FN3KRP: variants seen among roughly 807,000 people sequenced by gnomAD.
The protein encoded by FN3KRP is ketosamine-3-kinase.
In FN3KRP, 33 loss-of-function variants were observed where a neutral mutation model predicts 29.8. The ratio of observed to expected loss-of-function variants is 1.11; its 90% CI spans 0.84 to 1.48. The LOEUF is 1.48. Among genes scored for constraint, FN3KRP ranks in the 40% most tolerant of loss-of-function variants. The pLI, the probability that FN3KRP is intolerant of heterozygous loss-of-function variation, is 0.00. For synonymous variants in FN3KRP, 157 were observed against 155.2 expected, an observed-to-expected ratio of 1.01 and a Z score of -0.09; for missense variants, 430 against 402.6, an observed-to-expected ratio of 1.07 and a Z score of -0.58.
chr17:82,726,763 G>C lies in FN3KRP; in HGVS notation c.592-70G>C, dbSNP rs1042404073. The C allele has an allele frequency of 1.2e-5, 18 of 1,490,198 alleles. No individual in the cohort carries two copies. In the East Asian group the frequency reaches 3.2e-4, roughly 26 times the overall value. 92.3% of individuals were successfully genotyped at this position (1,490,198 alleles called of 1,614,324 possible). A position where few individuals can be genotyped will look rare whatever the true frequency, so the allele number is the denominator to read the frequency against. On this transcript the variant is annotated intron_variant, in intron 5 of 5. Transcript: ENST00000269373. ...CGCTGCTGCCTGGGCTGGGGGCGGT[G>C]GGGACCTGGAGCGGCGCCCCTCATG...
rs1447002416 is a variant in FN3KRP at position 82,718,954 on chromosome 17, AAAAC to A, written c.196_199del (p.Asn66ArgfsTer2). 1 of 1,614,200 alleles carries A rather than the reference AAAAC, an allele frequency of 6.2e-7. No individual in the cohort carries two copies. Among genetic ancestry groups the A allele is most frequent in the East Asian group, 2.2e-5 (1 of 44,894 alleles). ...GATGGCAAGTTTAACTGCCATCCTG[AAAAC>A]AAACACGGTGAAAGTGCCCAAGCCC... On this transcript the variant is annotated frameshift_variant, in exon 2 of 6. Transcript: ENST00000269373. LOFTEE classifies it high-confidence loss of function.
chr17:82,720,246 T>G, intron 2 of FN3KRP, 26 bp from the exon 3 acceptor site: 1 of 1,593,298 alleles, frequency 6.3e-7, no homozygotes. Flanking sequence ...TGTCATCTGT[T>G]TAGTTGCTGT....
At chr17:82,725,656 G>A (rs1046695113) in intron 4 of FN3KRP, among the ~76,000 whole-genome samples, 2 of 151,954 alleles carry the variant, frequency 1.3e-5, no homozygotes, top group Non-Finnish European at 2.9e-5. Flanking sequence ...ACCACACCTG[G>A]CCCCCCTTTC....
intron 2 of FN3KRP, 56 bp downstream of exon 2, chr17:82,719,113 AC>A: frequency 3.3e-6 from 5 of 1,496,398 alleles, no homozygotes; most frequent in Non-Finnish European, 3.6e-6. Context: ...GTGTGTCTTC[AC>A]ACCTTGTTTT....
chr17:82,722,965 C>T (rs527876447), intron 4 of FN3KRP, 79 bp downstream of exon 4: 5 of 1,265,634 alleles, frequency 4.0e-6, no homozygotes, highest in Admixed American at 4.5e-5. Flanking sequence ...ACACCCCCCT[C>T]CTTTTTTTGT....
Position 82,716,716 on chromosome 17 carries a change from T to G in FN3KRP, c.-40T>G. On this transcript the variant is annotated 5_prime_UTR_variant, in exon 1 of 6. Coordinates refer to ENST00000269373, the MANE Select transcript of FN3KRP (RefSeq NM_024619.4). The stretch of plus-strand genomic sequence containing the variant: ...CCGCTCGGCCGCCGTCTCTCGAGTC[T>G]CCGCCAGATCCGGGGCGGGTCCGCG... 1 of 1,455,616 alleles carries G rather than the reference T, an allele frequency of 6.9e-7. No individual in the cohort carries two copies. Among genetic ancestry groups the G allele is most frequent in the South Asian group, 1.4e-5 (1 of 69,276 alleles). The allele number at this position is 1,455,616 out of a possible 1,614,324, so 90.2% of individuals were successfully genotyped here.
intron 1 of FN3KRP, chr17:82,718,392 G>A: frequency 2.7e-5 from 27 of 987,604 alleles, no homozygotes; most frequent in Non-Finnish European, 3.2e-5. Context: ...TCAAGATGAG[G>A]TGGTTTCCAG....
chr17:82,720,624 C>T, intron 3 of FN3KRP: 1 of 351,596 alleles, frequency 2.8e-6, no homozygotes, highest in Non-Finnish European at 5.2e-6. Flanking sequence ...TTACTTTTAC[C>T]TCTCGTTCCC....
At chr17:82,725,683 T>C (rs2046831952) in intron 4 of FN3KRP, among the ~76,000 whole-genome samples, 1 of 152,198 alleles carries the variant, frequency 6.6e-6, no homozygotes, top group Admixed American at 6.5e-5. Flanking sequence ...TTAAATGGAC[T>C]TATGCTCTGA....
Position 82,722,703 on chromosome 17 carries a change from G to C in FN3KRP, c.386-101G>C, listed in dbSNP as rs762272414. ...TTGTCTCTGGCAGGGGCATAAGCTG[G>C]TAGGAGCTCGCTGAGGTCGTGTCTG... On this transcript the variant is annotated intron_variant, in intron 3 of 5. Coordinates refer to ENST00000269373, the MANE Select transcript of FN3KRP (RefSeq NM_024619.4). 1,210 of 1,124,186 alleles carry C rather than the reference G, an allele frequency of 1.1e-3. 2 individuals carry two copies. Among genetic ancestry groups the C allele is most frequent in the Non-Finnish European group, 1.5e-3 (1,108 of 759,588 alleles). The allele number at this position is 1,124,186 out of a possible 1,614,324, so 69.6% of individuals were successfully genotyped here.
In FN3KRP at chr17:82,720,491, T is replaced by C. The variant is rs910301578; in HGVS notation, c.385+128T>C. On this transcript the variant is annotated intron_variant, in intron 3 of 5. Transcript: ENST00000269373. ...GTGGGCTGATGGCAGAGCAAGGGAA[T>C]GTCGGCCTTGAGCCGCATCTCACGG... 4 of 650,902 alleles carry C rather than the reference T, an allele frequency of 6.1e-6. No individual in the cohort carries two copies. In the Admixed American group the frequency reaches 1.2e-4, roughly 19 times the overall value. 40.3% of individuals were successfully genotyped at this position (650,902 alleles called of 1,614,324 possible).
In FN3KRP at chr17:82,726,668, C is replaced by T. The variant is rs372769524; in HGVS notation, c.591+66C>T. 6.0e-5 allele frequency: 94 copies of T among 1,558,834 alleles called. No homozygotes were observed. The highest frequency in any genetic ancestry group is 4.6e-4 in the African/African-American group (34 of 73,582). ...CCCCACTTGCCTGAGGTAGGGGAGGCACCAAGGCAGGTGAGGCCACCTCTG... is the reference window on the plus strand; with the variant it reads ...CCCCACTTGCCTGAGGTAGGGGAGGTACCAAGGCAGGTGAGGCCACCTCTG... On this transcript the variant is annotated intron_variant, in intron 5 of 5. Transcript: ENST00000269373.
At chr17:82,717,738 TC>T (rs1301604793) in intron 1 of FN3KRP, among the ~76,000 whole-genome samples, 1 of 152,000 alleles carries the variant, frequency 6.6e-6, no homozygotes, top group Admixed American at 6.6e-5. Context: ...AAAAGAGTGT[TC>T]CTAGCAGCGG....
In FN3KRP at chr17:82,723,468, C is replaced by T. The variant is rs552372125; in HGVS notation, c.468+582C>T. On this transcript the variant is annotated intron_variant, in intron 4 of 5. Coordinates refer to ENST00000269373, the MANE Select transcript of FN3KRP (RefSeq NM_024619.4). ...GGGGGTGGGGGGTTTTCGCCAGCTC[C>T]GCCCCTTCGTCTCGTGGCTGTACTC... Among the ~76,000 whole-genome samples the T allele has an allele frequency of 9.9e-5, 15 of 152,196 alleles. 1 individual carries two copies. In the South Asian group the frequency reaches 2.1e-3, roughly 21 times the overall value.
chr17:82,726,389 C>A, intron 4 of FN3KRP, 91 bp from the exon 5 acceptor site: 1 of 1,515,262 alleles, frequency 6.6e-7, no homozygotes. Context: ...GCTCCTGCAG[C>A]CCTCTCCACT....
At position 82,718,958 on chromosome 17, in the gene FN3KRP, C is replaced by A; in HGVS notation, c.194C>A (p.Thr65Lys). ...EMASLTAILK[T>K]NTVKVPKPIK... Reference sequence around the variant, plus strand: ...GCAAGTTTAACTGCCATCCTGAAAACAAACACGGTGAAAGTGCCCAAGCCC... The same window carrying A: ...GCAAGTTTAACTGCCATCCTGAAAAAAAACACGGTGAAAGTGCCCAAGCCC... The change falls in exon 2 of 6, where the codon ACA (threonine) becomes AAA (lysine). Residue 65 changes from threonine (T) to lysine (K), a missense_variant. Physicochemically the swap from Thr to Lys is moderately conservative, Grantham distance 78 (BLOSUM62 -1). Coordinates refer to ENST00000269373, the MANE Select transcript of FN3KRP (RefSeq NM_024619.4). The A allele has an allele frequency of 6.2e-7, 1 of 1,614,170 alleles. No individual in the cohort carries two copies.
intron 3 of FN3KRP, 58 bp from the exon 4 acceptor site, chr17:82,722,746 A>G: frequency 6.4e-7 from 1 of 1,559,614 alleles, no homozygotes; most frequent in Non-Finnish European, 8.8e-7. Flanking sequence ...CTCAGTTTCG[A>G]GAGTGGGCGC....
intron 1 of FN3KRP, among the ~76,000 whole-genome samples, chr17:82,717,744 C>T (rs1291021612): frequency 6.6e-6 from 1 of 152,102 alleles, no homozygotes; most frequent in Non-Finnish European, 1.5e-5. Context: ...GTGTTCCTAG[C>T]AGCGGTGACA....
At chr17:82,726,701 T>C in intron 5 of FN3KRP, 99 bp downstream of exon 5, 1 of 1,523,284 alleles carries the variant, frequency 6.6e-7, no homozygotes, top group South Asian at 1.3e-5. Flanking sequence ...CTGAGTCTGA[T>C]TCTGGGTGGG....
Sources: gnomAD v4.1 joint callset for allele counts (sites outside exome capture counted in the v4.1 genomes callset) on GRCh38, gnomAD v4.1.1 for gene constraint, MANE v1.5 for transcripts, NCBI Gene and HGNC (gene_info 2026-07-23, HGNC 2026-07-21) for gene names.